KCNH7: variants seen among roughly 807,000 people sequenced by gnomAD.
KCNH7 encodes the protein voltage-gated inwardly rectifying potassium channel KCNH7.
Under a neutral mutation model 120.8 loss-of-function variants are expected in KCNH7, and 49 were observed. The ratio of observed to expected loss-of-function variants is 0.41; its 90% CI spans 0.32 to 0.51. The LOEUF (loss-of-function observed/expected upper bound fraction) is 0.51, where lower values mean the gene tolerates loss of function less well. KCNH7 is among the 20% of genes least tolerant of loss of function. KCNH7 has a pLI of 0.38. For synonymous variants in KCNH7, 547 were observed against 516.1 expected, an observed-to-expected ratio of 1.06 and a Z score of -0.81; for missense variants, 1,097 against 1,446.6, an observed-to-expected ratio of 0.76 and a Z score of 3.92.
At chr2:162,572,281 A>C (rs1240307965) in intron 2 of KCNH7, among the ~76,000 whole-genome samples, 1 of 149,840 alleles carries the variant, frequency 6.7e-6, no homozygotes, top group African/African-American at 2.5e-5. Context: ...ATGCAGCCAA[A>C]AAACACATGA....
intron 3 of KCNH7, among the ~76,000 whole-genome samples, chr2:162,520,797 T>A (rs761142873): frequency 1.3e-5 from 2 of 151,718 alleles, no homozygotes; most frequent in Non-Finnish European, 3.0e-5. Flanking sequence ...TATATGATTA[T>A]GTAAACTATT....
At chr2:162,395,453 T>C (rs1196122704) in intron 11 of KCNH7, among the ~76,000 whole-genome samples, 1 of 151,768 alleles carries the variant, frequency 6.6e-6, no homozygotes, top group Non-Finnish European at 1.5e-5. Context: ...ATCCTCCTTC[T>C]TCCCTCTCTG....
At chr2:162,687,691 C>T (rs886727418) in intron 2 of KCNH7, among the ~76,000 whole-genome samples, 1 of 152,070 alleles carries the variant, frequency 6.6e-6, no homozygotes, top group Non-Finnish European at 1.5e-5. Context: ...TATTTATTAG[C>T]ACACCACTGG....
At chr2:162,665,635 A>G (rs567669833) in intron 2 of KCNH7, among the ~76,000 whole-genome samples, 1 of 152,196 alleles carries the variant, frequency 6.6e-6, no homozygotes, top group Non-Finnish European at 1.5e-5. Flanking sequence ...AAGAGAGACT[A>G]TTCCTAACCT....
intron 6 of KCNH7, among the ~76,000 whole-genome samples, chr2:162,458,706 G>T (rs1171209272): frequency 6.6e-6 from 1 of 152,150 alleles, no homozygotes. Context: ...GAGGAACCAC[G>T]TGAGAAATGG....
intron 7 of KCNH7, 64 bp from the exon 8 acceptor site, chr2:162,435,661 A>C (rs919357708): frequency 4.0e-6 from 6 of 1,483,352 alleles, no homozygotes; most frequent in South Asian, 1.3e-5. Context: ...ATTCATATGA[A>C]GCAAAGTGGA....
intron 2 of KCNH7, among the ~76,000 whole-genome samples, chr2:162,673,740 A>G (rs1483299573): frequency 6.6e-6 from 1 of 152,066 alleles, no homozygotes; most frequent in Non-Finnish European, 1.5e-5. Context: ...GTTGGAAGCC[A>G]CCAAGACATT....
At chr2:162,555,889 T>G (rs560015531) in intron 2 of KCNH7, among the ~76,000 whole-genome samples, 200 of 152,218 alleles carry the variant, frequency 1.3e-3, no homozygotes, top group Non-Finnish European at 2.4e-3. Flanking sequence ...TTTTTCTGCT[T>G]ATTTTGTAAA....
At chr2:162,805,302 A>AAGG (rs1684500105) in intron 2 of KCNH7, among the ~76,000 whole-genome samples, 1 of 151,970 alleles carries the variant, frequency 6.6e-6, no homozygotes, top group African/African-American at 2.4e-5. Context: ...CAGACAACCC[A>AAGG]AGAATGGGAG....
chr2:162,491,186 G>A (rs1247600613), intron 6 of KCNH7, among the ~76,000 whole-genome samples: 1 of 152,104 alleles, frequency 6.6e-6, no homozygotes, highest in Non-Finnish European at 1.5e-5. Flanking sequence ...GAGCCAAGAG[G>A]GTACAAAGAT....
At chr2:162,466,817 A>T (rs2105623320) in intron 6 of KCNH7, among the ~76,000 whole-genome samples, 1 of 152,344 alleles carries the variant, frequency 6.6e-6, no homozygotes, top group Non-Finnish European at 1.5e-5. Context: ...TTAATTGGAC[A>T]CTAACTTTAT....
At chr2:162,564,378 C>G (rs1693174931) in intron 2 of KCNH7, among the ~76,000 whole-genome samples, 1 of 152,092 alleles carries the variant, frequency 6.6e-6, no homozygotes, top group South Asian at 2.1e-4. Flanking sequence ...TTAGCGTAGA[C>G]CTTGAAAGGG....
chr2:162,458,551 A>G (rs1247496668), intron 6 of KCNH7, among the ~76,000 whole-genome samples: 2 of 152,112 alleles, frequency 1.3e-5, no homozygotes, highest in African/African-American at 2.4e-5. Context: ...TGGAAACTAC[A>G]TATGGATTCT....
chr2:162,413,570 C>A (rs186650264), intron 9 of KCNH7, among the ~76,000 whole-genome samples: 2 of 152,216 alleles, frequency 1.3e-5, no homozygotes, highest in Non-Finnish European at 1.5e-5. Flanking sequence ...TTAATAAATT[C>A]TACCACGACT....
At chr2:162,783,739 C>T (rs1404903361) in intron 2 of KCNH7, among the ~76,000 whole-genome samples, 1 of 152,104 alleles carries the variant, frequency 6.6e-6, no homozygotes, top group Non-Finnish European at 1.5e-5. Flanking sequence ...TTAGCAGTAT[C>T]CTCTAGAGAC....
intron 2 of KCNH7, among the ~76,000 whole-genome samples, chr2:162,768,170 A>G (rs889646142): frequency 6.6e-6 from 1 of 152,226 alleles, no homozygotes; most frequent in Non-Finnish European, 1.5e-5. Context: ...AAGTTCCTAA[A>G]TGATTGACTT....
intron 12 of KCNH7, 71 bp from the exon 13 acceptor site, chr2:162,385,010 C>A: frequency 8.4e-7 from 1 of 1,191,886 alleles, no homozygotes. Flanking sequence ...ATGCATATTA[C>A]ACTACCTAGC....
intron 2 of KCNH7, among the ~76,000 whole-genome samples, chr2:162,741,778 C>G (rs1221623261): frequency 6.6e-6 from 1 of 151,926 alleles, no homozygotes; most frequent in Non-Finnish European, 1.5e-5. Flanking sequence ...TCATTAGAAC[C>G]CTTTACAAAA....
intron 12 of KCNH7, among the ~76,000 whole-genome samples, chr2:162,385,439 T>A (rs113491640): frequency 1.3e-5 from 2 of 151,954 alleles, no homozygotes; most frequent in Non-Finnish European, 2.9e-5. Flanking sequence ...AACCTTAGTC[T>A]GATGCATGTA....
Sources: gnomAD v4.1 joint callset for allele counts (sites outside exome capture counted in the v4.1 genomes callset) on GRCh38, gnomAD v4.1.1 for gene constraint, MANE v1.5 for transcripts, NCBI Gene and HGNC (gene_info 2026-07-23, HGNC 2026-07-21) for gene names.